Variants in PRELID2 observed in about 807,000 individuals in gnomAD.
The protein encoded by PRELID2 is PRELI domain-containing protein 2.
In PRELID2, 25 loss-of-function variants were observed where a neutral mutation model predicts 28.4. The observed-to-expected ratio is 0.88, with a 90% CI of 0.64 to 1.23. The LOEUF (loss-of-function observed/expected upper bound fraction) is 1.23, where lower values mean the gene tolerates loss of function less well. Among genes scored for constraint, PRELID2 ranks in the 50% most tolerant of loss-of-function variants. PRELID2 has a pLI of 0.00. For synonymous variants in PRELID2, 76 were observed against 71.6 expected, an observed-to-expected ratio of 1.06 and a Z score of -0.31; for missense variants, 201 against 214.4, an observed-to-expected ratio of 0.94 and a Z score of 0.39.
the PRELID2 span, among the ~76,000 whole-genome samples, chr5:145,315,272 T>G: frequency 1.3e-5 from 2 of 151,842 alleles, no homozygotes; most frequent in Non-Finnish European, 2.9e-5. Flanking sequence ...GTTTCACCAT[T>G]TTGGCCAGGA....
chr5:145,600,434 A>AAT lies in PRELID2; in HGVS notation n.71-127121_71-127120dup, dbSNP rs1299956414. 4.8e-3 allele frequency among the ~76,000 whole-genome samples: 582 copies of AAT among 120,064 alleles called. 8 individuals carry two copies. The highest frequency in any genetic ancestry group is 0.019 in the South Asian group (81 of 4,304). The allele number at this position is 120,064 out of a possible 152,430, so 78.8% of individuals were successfully genotyped here. ...TCTCAGGGGGGGAAAAAAAAAAAAA[A>AAT]ATATATATATATATATATATGTATC... On this transcript the variant is annotated intron_variant and non_coding_transcript_variant, in intron 1 of 2. Transcript: ENST00000510259.
rs1291173647 is a variant in PRELID2, at chr5:145,662,689, G to A, written n.70+102242C>T. ...GGAATTGGTGGCTTTATGAGAAAAA[G>A]AAGAGAAATCTGAGCTAGCATGTGA... is the stretch of plus-strand genomic sequence containing the variant. On this transcript the variant is annotated intron_variant and non_coding_transcript_variant, in intron 1 of 2. Coordinates refer to the PRELID2 transcript ENST00000510259. Among the ~76,000 whole-genome samples the A allele has an allele frequency of 2.0e-5, 3 of 152,162 alleles. No individual in the cohort carries two copies. The East Asian group carries it at 5.8e-4, about 29-fold the overall frequency.
At chr5:145,375,915 G>A in the PRELID2 span, among the ~76,000 whole-genome samples, 1 of 152,190 alleles carries the variant, frequency 6.6e-6, no homozygotes, top group African/African-American at 2.4e-5. Flanking sequence ...AGTTGTGAGT[G>A]CCAGTGCTGG....
chr5:145,386,732 A>T, the PRELID2 span, among the ~76,000 whole-genome samples: 702 of 152,332 alleles, frequency 4.6e-3, 6 homozygotes, highest in African/African-American at 0.015. Context: ...TTATAGCTTA[A>T]TAATATCTCT....
intron 5 of PRELID2, chr5:145,796,205 A>G: frequency 3.0e-6 from 1 of 334,786 alleles, no homozygotes; most frequent in Non-Finnish European, 5.4e-6. Flanking sequence ...GTATGCTCCA[A>G]ATTTTCACAT....
At chr5:145,590,969 A>G (rs1007686520) in intron 1 of PRELID2, among the ~76,000 whole-genome samples, 2 of 151,148 alleles carry the variant, frequency 1.3e-5, no homozygotes, top group African/African-American at 4.9e-5. Flanking sequence ...CTTCAATCTG[A>G]AAAGATTAAC....
chr5:145,382,088 G>T, the PRELID2 span, among the ~76,000 whole-genome samples: 2 of 151,506 alleles, frequency 1.3e-5, no homozygotes, highest in Non-Finnish European at 2.9e-5. Flanking sequence ...TTAAAATATA[G>T]AAATTCTAAC....
At chr5:145,551,204 C>G (rs1007684542) in intron 1 of PRELID2, among the ~76,000 whole-genome samples, 3 of 151,968 alleles carry the variant, frequency 2.0e-5, no homozygotes, top group Non-Finnish European at 4.4e-5. Flanking sequence ...AGTTCAAGAC[C>G]AGCCTGGCCA....
At chr5:145,785,964 G>A (rs930216543) in intron 5 of PRELID2, among the ~76,000 whole-genome samples, 1 of 152,170 alleles carries the variant, frequency 6.6e-6, no homozygotes, top group Non-Finnish European at 1.5e-5. Flanking sequence ...TCAGTGAGCT[G>A]TTCATGCAAT....
At chr5:145,796,168 T>A (rs1470900166) in intron 5 of PRELID2, 1 of 248,830 alleles carries the variant, frequency 4.0e-6, no homozygotes, top group Non-Finnish European at 7.7e-6. Flanking sequence ...TTATTCATTC[T>A]GATTATTTCT....
At chr5:145,737,470 T>G (rs1008317439) in intron 1 of PRELID2, among the ~76,000 whole-genome samples, 3 of 151,872 alleles carry the variant, frequency 2.0e-5, no homozygotes, top group African/African-American at 7.3e-5. Context: ...CTGTGAAATG[T>G]GGAGTGAAGA....
the PRELID2 span, among the ~76,000 whole-genome samples, chr5:145,307,593 C>T: frequency 6.6e-6 from 1 of 152,142 alleles, no homozygotes; most frequent in African/African-American, 2.4e-5. Flanking sequence ...TCCACTCACA[C>T]CCAACAAAAG....
intron 1 of PRELID2, among the ~76,000 whole-genome samples, chr5:145,671,186 T>C (rs1244095070): frequency 2.0e-5 from 3 of 152,190 alleles, no homozygotes; most frequent in Non-Finnish European, 2.9e-5. Context: ...AATGATGGAA[T>C]GAATTAAGGA....
chr5:145,320,352 G>C, the PRELID2 span, among the ~76,000 whole-genome samples: 3 of 151,156 alleles, frequency 2.0e-5, no homozygotes, highest in Admixed American at 2.0e-4. Context: ...CTCACTGCAA[G>C]CTCCGCCTCA....
At chr5:145,494,888 AG>A (rs1055591962) in intron 1 of PRELID2, among the ~76,000 whole-genome samples, 1 of 152,192 alleles carries the variant, frequency 6.6e-6, no homozygotes, top group African/African-American at 2.4e-5. Context: ...CTAAAATGCA[AG>A]TTTTACGATT....
chr5:145,394,531 A>G, the PRELID2 span, among the ~76,000 whole-genome samples: 9 of 152,130 alleles, frequency 5.9e-5, no homozygotes, highest in Admixed American at 5.9e-4. Flanking sequence ...ATGTATACAT[A>G]TGTAACAAAC....
At chr5:145,494,518 A>C (rs1351790663) in intron 1 of PRELID2, among the ~76,000 whole-genome samples, 1 of 152,208 alleles carries the variant, frequency 6.6e-6, no homozygotes, top group African/African-American at 2.4e-5. Context: ...AAATCTTGAC[A>C]AGATCACACA....
the PRELID2 span, among the ~76,000 whole-genome samples, chr5:145,281,823 G>A: frequency 6.6e-6 from 1 of 152,168 alleles, no homozygotes; most frequent in Admixed American, 6.5e-5. Flanking sequence ...TTAAAATACT[G>A]TCTCAGATCC....
At chr5:145,704,574 G>A (rs1755491252) in intron 1 of PRELID2, among the ~76,000 whole-genome samples, 1 of 152,140 alleles carries the variant, frequency 6.6e-6, no homozygotes, top group Non-Finnish European at 1.5e-5. Flanking sequence ...ACAATATAAT[G>A]AAATAGAAAA....
Sources: allele counts gnomAD v4.1 joint callset (sites outside exome capture counted in the v4.1 genomes callset), GRCh38; gene constraint gnomAD v4.1.1; transcripts MANE v1.5; gene names NCBI Gene and HGNC (gene_info 2026-07-23, HGNC 2026-07-21).